MYO18B: variants seen among roughly 807,000 people sequenced by gnomAD.
The protein encoded by MYO18B is myosin XVIIIB.
Under a neutral mutation model 273.0 loss-of-function variants are expected in MYO18B, and 204 were observed. The observed-to-expected ratio is 0.75, with a 90% CI of 0.67 to 0.84. The LOEUF (loss-of-function observed/expected upper bound fraction) is 0.84, where lower values mean the gene tolerates loss of function less well. Among genes scored for constraint, MYO18B ranks in the 40% least tolerant of loss-of-function variants. The probability of loss-of-function intolerance (pLI) is 0.00; values close to 1 mark genes in which losing one functional copy is unlikely to be tolerated. For missense variants in MYO18B, 3,212 were observed against 3,287.6 expected, an observed-to-expected ratio of 0.98 and a Z score of 0.56; for synonymous variants, 1,330 against 1,305.7, an observed-to-expected ratio of 1.02 and a Z score of -0.40.
chr22:25,810,249 C>A (rs1009540035), intron 12 of MYO18B, among the ~76,000 whole-genome samples: 2 of 151,184 alleles, frequency 1.3e-5, no homozygotes, highest in African/African-American at 4.9e-5. Context: ...AGGCGCCCAC[C>A]ACCATGCCCA....
intron 12 of MYO18B, among the ~76,000 whole-genome samples, chr22:25,804,244 C>G (rs2088360839): frequency 6.6e-6 from 1 of 152,166 alleles, no homozygotes; most frequent in Non-Finnish European, 1.5e-5. Context: ...CCTTTTCACA[C>G]AAAACCCAGC....
intron 21 of MYO18B, among the ~76,000 whole-genome samples, chr22:25,857,806 A>G (rs945976885): frequency 6.6e-6 from 1 of 152,196 alleles, no homozygotes; most frequent in Non-Finnish European, 1.5e-5. Context: ...GGCATGCGCC[A>G]CCACGCCAGG....
intron 13 of MYO18B, among the ~76,000 whole-genome samples, chr22:25,824,288 C>T (rs1039455013): frequency 2.6e-5 from 4 of 151,906 alleles, no homozygotes; most frequent in African/African-American, 9.7e-5. Context: ...AGGTGGTGGT[C>T]GGAAGTGCTA....
chr22:25,914,684 C>CCCT (rs2092227350), intron 33 of MYO18B, among the ~76,000 whole-genome samples: 1 of 37,742 alleles, frequency 2.6e-5, no homozygotes, highest in Non-Finnish European at 5.4e-5. Flanking sequence ...ATAGTTTTGA[C>CCCT]TCTTTTTTTT....
the MYO18B span, among the ~76,000 whole-genome samples, chr22:26,057,063 C>T: frequency 3.3e-5 from 5 of 152,180 alleles, no homozygotes; most frequent in South Asian, 8.3e-4. Context: ...GGAGTGCAGA[C>T]GTTCAAAATA....
chr22:25,800,062 C>T (rs997710449), intron 12 of MYO18B, among the ~76,000 whole-genome samples: 94 of 152,094 alleles, frequency 6.2e-4, no homozygotes, highest in African/African-American at 2.2e-3. Context: ...AGCTGGAGGC[C>T]ATTATTCTAA....
chr22:25,904,507 C>T (rs535128862), intron 31 of MYO18B, among the ~76,000 whole-genome samples: 24 of 152,296 alleles, frequency 1.6e-4, no homozygotes, highest in African/African-American at 5.8e-4. Flanking sequence ...TGACCCCACA[C>T]TGCCTCGAAT....
At chr22:25,972,885 G>C (rs2093050555) in intron 39 of MYO18B, among the ~76,000 whole-genome samples, 1 of 151,658 alleles carries the variant, frequency 6.6e-6, no homozygotes. Context: ...GAACCTAGGA[G>C]GTGGAGGTTG....
chr22:25,979,773 T>C (rs563920491), intron 39 of MYO18B, among the ~76,000 whole-genome samples: 2 of 152,260 alleles, frequency 1.3e-5, no homozygotes, highest in South Asian at 4.2e-4. Context: ...GTTGCGTGCC[T>C]TGAAGCCTGA....
intron 34 of MYO18B, among the ~76,000 whole-genome samples, chr22:25,927,742 A>C (rs6004835): frequency 0.35 from 53,743 of 151,972 alleles, 10,316 homozygotes; most frequent in African/African-American, 0.48. Context: ...GAACCTACCG[A>C]CGTGTGATGT....
chr22:25,858,793 C>T lies in MYO18B; in HGVS notation c.3885+7214C>T, dbSNP rs58453426. 9.0e-3 allele frequency among the ~76,000 whole-genome samples: 1,363 copies of T among 152,238 alleles called. 23 individuals carry two copies. Among genetic ancestry groups the T allele is most frequent in the African/African-American group, 0.031 (1,284 of 41,536 alleles). On this transcript the variant is annotated intron_variant, in intron 21 of 43. Coordinates refer to ENST00000335473, the MANE Select transcript of MYO18B (RefSeq NM_032608.7). ...GTGTAATGTTGACTTACAGTGAAGA[C>T]GATGACCCATCTATGCTCAATGCCT...
At position 25,781,782 on chromosome 22, in the gene MYO18B, A is replaced by G; in HGVS notation, c.2260A>G (p.Ser754Gly). 6.3e-7 allele frequency: 1 copy of G among 1,596,150 alleles called. No individual in the cohort carries two copies. ...SRVARQPEGESNFLVFSQMLA... is the reference protein window; with the variant it reads ...SRVARQPEGEGNFLVFSQMLA... The stretch of plus-strand genomic sequence containing the variant: ...CGTGGCACGGCAGCCGGAAGGGGAA[A>G]GTAACTTCCTGGTTTTCTCCCAGAT... The change falls in exon 10 of 44, where the codon AGT (serine) becomes GGT (glycine). Residue 754 changes from serine to glycine, a missense_variant. Coordinates refer to ENST00000335473, the MANE Select transcript of MYO18B (RefSeq NM_032608.7).
intron 1 of MYO18B, among the ~76,000 whole-genome samples, chr22:25,758,392 C>T (rs2086194452): frequency 6.7e-6 from 1 of 149,704 alleles, no homozygotes; most frequent in Non-Finnish European, 1.5e-5. Context: ...ACCTATGTGA[C>T]TTTGTAGCGA....
At chr22:25,760,141 C>T (rs1348720819) in intron 1 of MYO18B, among the ~76,000 whole-genome samples, 1 of 152,014 alleles carries the variant, frequency 6.6e-6, no homozygotes, top group East Asian at 1.9e-4. Flanking sequence ...CCTGGCTGGG[C>T]GTGGTGGCTC....
At position 25,944,916 on chromosome 22, in the gene MYO18B, G is replaced by A. The variant is rs530282655; in HGVS notation, c.5518-1221G>A. On this transcript the variant is annotated intron_variant, in intron 34 of 43. Transcript: ENST00000335473. Reference sequence around the variant, plus strand: ...CTGCCAACTGCAGAATGGATTTAGGGTATGTGCATGAATATGGGTTTCTCC... The same window carrying A: ...CTGCCAACTGCAGAATGGATTTAGGATATGTGCATGAATATGGGTTTCTCC... 5.3e-5 allele frequency among the ~76,000 whole-genome samples: 8 copies of A among 152,118 alleles called. No individual in the cohort carries two copies. In the East Asian group the frequency reaches 1.4e-3, roughly 26 times the overall value.
chr22:25,861,247 A>G (rs2090726619), intron 21 of MYO18B, among the ~76,000 whole-genome samples: 1 of 152,186 alleles, frequency 6.6e-6, no homozygotes, highest in African/African-American at 2.4e-5. Context: ...ACGCTCTCCA[A>G]CTATTAATGT....
At position 25,777,764 on chromosome 22, in the gene MYO18B, T is replaced by G. The variant is rs1403890390; in HGVS notation, c.2051T>G (p.Val684Gly). The G allele has an allele frequency of 6.2e-7, 1 of 1,602,960 alleles. No homozygotes were observed. ...LEHLVGMAGS[V>G]DGRVSVEKIR... The stretch of plus-strand genomic sequence containing the variant: ...CACCTGGTGGGGATGGCAGGCAGTG[T>G]GGATGGCAGGGTCTCAGGTATGGTG... The change falls in exon 8 of 44, where the codon GTG becomes GGG. Residue 684 changes from valine to glycine, a missense_variant. By Grantham distance (109) the Val-to-Gly change is moderately radical (BLOSUM62 -3). Transcript: ENST00000335473.
intron 16 of MYO18B, among the ~76,000 whole-genome samples, chr22:25,834,397 T>C (rs890297905): frequency 6.6e-6 from 1 of 152,150 alleles, no homozygotes; most frequent in Non-Finnish European, 1.5e-5. Flanking sequence ...GAAGGATGCC[T>C]GGGATCCAGT....
At chr22:26,053,923 C>A in the MYO18B span, among the ~76,000 whole-genome samples, 1 of 152,076 alleles carries the variant, frequency 6.6e-6, no homozygotes, top group Admixed American at 6.5e-5. Context: ...ATCACACCAG[C>A]TGCAAAAGAG....
Sources: gnomAD v4.1 joint callset for allele counts (sites outside exome capture counted in the v4.1 genomes callset) on GRCh38, gnomAD v4.1.1 for gene constraint, MANE v1.5 for transcripts, NCBI Gene and HGNC (gene_info 2026-07-23, HGNC 2026-07-21) for gene names.